BMP6: variants seen among roughly 807,000 people sequenced by gnomAD.
BMP6 encodes the protein bone morphogenetic protein 6.
A neutral mutation model predicts 54.1 loss-of-function variants in BMP6; 17 were observed. That is an observed-to-expected ratio of 0.31 (90% CI 0.22 to 0.47). The LOEUF is 0.47. Among genes scored for constraint, BMP6 ranks in the 20% least tolerant of loss-of-function variants. The probability of loss-of-function intolerance (pLI) is 1.00; values close to 1 mark genes in which losing one functional copy is unlikely to be tolerated. For synonymous variants in BMP6, 328 were observed against 291.2 expected (o/e 1.13, Z -1.28); for missense variants, 720 against 690.4 (o/e 1.04, Z -0.48).
intron 5 of BMP6, among the ~76,000 whole-genome samples, chr6:7,879,398 A>G (rs567856676): frequency 7.9e-5 from 12 of 152,180 alleles, no homozygotes; most frequent in African/African-American, 2.9e-4. Context: ...TCAAAAATCA[A>G]TAGCCACATT....
intron 1 of BMP6, among the ~76,000 whole-genome samples, chr6:7,763,159 C>T (rs1020953545): frequency 2.0e-5 from 3 of 152,202 alleles, no homozygotes; most frequent in African/African-American, 4.8e-5. Context: ...ATCTCAGATG[C>T]GAGTTTAGAA....
intron 2 of BMP6, among the ~76,000 whole-genome samples, chr6:7,857,691 G>C (rs1350301898): frequency 1.3e-5 from 2 of 152,176 alleles, no homozygotes; most frequent in African/African-American, 4.8e-5. Flanking sequence ...CTTCTTCGAG[G>C]CTACACTTTT....
chr6:7,741,332 G>A (rs558608986), intron 1 of BMP6, among the ~76,000 whole-genome samples: 2 of 152,226 alleles, frequency 1.3e-5, no homozygotes, highest in African/African-American at 4.8e-5. Flanking sequence ...GGGCCTCTCT[G>A]TCACCCAGGC....
chr6:7,754,227 C>T (rs771169964), intron 1 of BMP6, among the ~76,000 whole-genome samples: 1 of 152,160 alleles, frequency 6.6e-6, no homozygotes, highest in African/African-American at 2.4e-5. Context: ...AAGCGATCCT[C>T]CCATCTCAGC....
chr6:7,750,451 T>C (rs1032496942), intron 1 of BMP6, among the ~76,000 whole-genome samples: 29 of 152,228 alleles, frequency 1.9e-4, no homozygotes, highest in African/African-American at 6.5e-4. Context: ...ATTTTTATTC[T>C]TTGGAGTTTC....
chr6:7,835,530 C>T (rs1758860661), intron 1 of BMP6, among the ~76,000 whole-genome samples: 1 of 152,142 alleles, frequency 6.6e-6, no homozygotes, highest in Non-Finnish European at 1.5e-5. Context: ...TTTAAGCTGG[C>T]CTATCTGTGT....
At chr6:7,862,170 C>T (rs1759344862) in intron 3 of BMP6, 131 bp from the exon 4 acceptor site, 1 of 1,113,168 alleles carries the variant, frequency 9.0e-7, no homozygotes, top group Admixed American at 2.0e-5. Context: ...TTTGGGGATA[C>T]ATGATCTTCT....
intron 1 of BMP6, among the ~76,000 whole-genome samples, chr6:7,802,184 T>C (rs1291455679): frequency 6.6e-6 from 1 of 152,202 alleles, no homozygotes; most frequent in Non-Finnish European, 1.5e-5. Context: ...TGTCTGTTAT[T>C]AAAGAAAAAG....
At chr6:7,870,622 T>C (rs1375889029) in intron 4 of BMP6, among the ~76,000 whole-genome samples, 1 of 151,710 alleles carries the variant, frequency 6.6e-6, no homozygotes, top group Non-Finnish European at 1.5e-5. Flanking sequence ...GATCTTTTTT[T>C]TAAAAAACAA....
chr6:7,849,757 G>T (rs971240796), intron 2 of BMP6, among the ~76,000 whole-genome samples: 1 of 152,214 alleles, frequency 6.6e-6, no homozygotes, highest in Non-Finnish European at 1.5e-5. Context: ...CCGTGGTCCT[G>T]TTTGGTCCAT....
intron 1 of BMP6, among the ~76,000 whole-genome samples, chr6:7,784,753 T>C (rs751858689): frequency 1.3e-5 from 2 of 152,196 alleles, no homozygotes; most frequent in Non-Finnish European, 2.9e-5. Context: ...TGGTCTGTTT[T>C]CTCAGTAGGA....
chr6:7,761,982 C>T (rs987584352), intron 1 of BMP6, among the ~76,000 whole-genome samples: 13 of 152,184 alleles, frequency 8.5e-5, no homozygotes, highest in African/African-American at 2.2e-4. Flanking sequence ...ACTGCAGTGG[C>T]GTGATCTCAG....
At chr6:7,800,912 A>AGGGGGGG (rs201191015) in intron 1 of BMP6, among the ~76,000 whole-genome samples, 2 of 38,204 alleles carry the variant, frequency 5.2e-5, no homozygotes, top group African/African-American at 1.5e-4. Context: ...AAGCGGGGGG[A>AGGGGGGG]GGGGGGGGCA....
chr6:7,846,409 C>T (rs1374338559), intron 2 of BMP6, among the ~76,000 whole-genome samples: 1 of 152,192 alleles, frequency 6.6e-6, no homozygotes, highest in Non-Finnish European at 1.5e-5. Flanking sequence ...CAAATACACA[C>T]ACCTGAACTC....
At chr6:7,741,461 AGTT>A (rs1297734249) in intron 1 of BMP6, among the ~76,000 whole-genome samples, 1 of 144,800 alleles carries the variant, frequency 6.9e-6, no homozygotes, top group African/African-American at 2.5e-5. Context: ...ATGCCTGGCT[AGTT>A]GTTTTAATTT....
At chr6:7,839,782 A>G (rs1292891178) in intron 1 of BMP6, among the ~76,000 whole-genome samples, 7 of 152,242 alleles carry the variant, frequency 4.6e-5, no homozygotes, top group Middle Eastern at 3.2e-3. Context: ...GTGTACAAAT[A>G]TCCGTTCAAG....
At chr6:7,779,736 A>G (rs1757913850) in intron 1 of BMP6, among the ~76,000 whole-genome samples, 1 of 152,170 alleles carries the variant, frequency 6.6e-6, no homozygotes, top group South Asian at 2.1e-4. Context: ...ATTTCATTTC[A>G]TCTGTACTGA....
At chr6:7,849,868 G>A (rs1224155853) in intron 2 of BMP6, among the ~76,000 whole-genome samples, 1 of 152,194 alleles carries the variant, frequency 6.6e-6, no homozygotes, top group African/African-American at 2.4e-5. Flanking sequence ...TATATTCTGT[G>A]TGTATGATAA....
At chr6:7,834,409 G>T (rs1028218069) in intron 1 of BMP6, among the ~76,000 whole-genome samples, 1 of 151,416 alleles carries the variant, frequency 6.6e-6, no homozygotes, top group African/African-American at 2.4e-5. Flanking sequence ...GAAAATGCAA[G>T]ACAATAATAT....
Sources: gnomAD v4.1 joint callset for allele counts (sites outside exome capture counted in the v4.1 genomes callset) on GRCh38, gnomAD v4.1.1 for gene constraint, MANE v1.5 for transcripts, NCBI Gene and HGNC (gene_info 2026-07-23, HGNC 2026-07-21) for gene names.